Variants in BACE2 observed in about 807,000 individuals in gnomAD.
BACE2 encodes beta-secretase 2, also known as 56 kDa aspartic-like protease.
BACE2 carries 17 observed loss-of-function variants against 46.2 expected under a neutral mutation model. The ratio of observed to expected loss-of-function variants is 0.37; its 90% CI spans 0.25 to 0.55. The LOEUF (loss-of-function observed/expected upper bound fraction) is 0.55. Ranked by LOEUF, BACE2 falls within the 20% of genes least tolerant of loss-of-function variation. The pLI is 0.82. For missense variants in BACE2, 595 were observed against 698.1 expected (o/e 0.85, Z 1.66); for synonymous variants, 277 against 295.9 (o/e 0.94, Z 0.66).
At chr21:41,218,349 C>T (rs1179498594) in intron 1 of BACE2, among the ~76,000 whole-genome samples, 1 of 152,102 alleles carries the variant, frequency 6.6e-6, no homozygotes, top group Admixed American at 6.5e-5. Flanking sequence ...GACCCAAATG[C>T]ACAAAACCCA....
chr21:41,233,191 A>G (rs1987016508), intron 2 of BACE2, among the ~76,000 whole-genome samples: 1 of 152,188 alleles, frequency 6.6e-6, no homozygotes, highest in Admixed American at 6.5e-5. Flanking sequence ...AAAGGCAGCA[A>G]ATGATTAATT....
chr21:41,177,671 GT>G (rs1291351317), intron 1 of BACE2: 2 of 152,224 alleles, frequency 1.3e-5, no homozygotes, highest in East Asian at 3.8e-4. Flanking sequence ...AGCGTCAGCC[GT>G]GTGGTAAGTG....
At chr21:41,262,650 A>G (rs1317130980) in intron 8 of BACE2, among the ~76,000 whole-genome samples, 1 of 152,164 alleles carries the variant, frequency 6.6e-6, no homozygotes, top group Non-Finnish European at 1.5e-5. Context: ...CTATGAATGT[A>G]CCAGATCTTT....
At chr21:41,201,925 G>A (rs886775513) in intron 1 of BACE2, among the ~76,000 whole-genome samples, 8 of 152,276 alleles carry the variant, frequency 5.3e-5, no homozygotes, top group South Asian at 2.1e-4. Context: ...TTAAAATTTG[G>A]TTGTTTCAAA....
At position 41,246,079 on chromosome 21, in the gene BACE2, A is replaced by G. The variant is rs1222108310; in HGVS notation, c.984+16A>G. The G allele has an allele frequency of 1.9e-6, 3 of 1,576,670 alleles. No homozygotes were observed. Among genetic ancestry groups the G allele is most frequent in the South Asian group, 2.3e-5 (2 of 86,438 alleles). ...CGCATCTCTGGTGAGTCCTCGGGAC[A>G]CTCACGGGTCCCCGAGTTGCTGAGT... On this transcript the variant is annotated intron_variant, in intron 6 of 8. Transcript: ENST00000330333.
At chr21:41,253,441 CAAAA>C (rs58206534) in intron 7 of BACE2, among the ~76,000 whole-genome samples, 1 of 113,208 alleles carries the variant, frequency 8.8e-6, no homozygotes, top group Admixed American at 9.4e-5. Context: ...GACTCCATCT[CAAAA>C]AAAAAAAAAA....
intron 7 of BACE2, among the ~76,000 whole-genome samples, chr21:41,255,518 T>C (rs1237320758): frequency 6.6e-6 from 1 of 152,172 alleles, no homozygotes; most frequent in Non-Finnish European, 1.5e-5. Flanking sequence ...GACGAAGTGA[T>C]TAGTGGTCAG....
intron 1 of BACE2, among the ~76,000 whole-genome samples, chr21:41,217,389 G>A (rs1986504892): frequency 6.6e-6 from 1 of 152,168 alleles, no homozygotes; most frequent in South Asian, 2.1e-4. Flanking sequence ...CCTTGTAAAG[G>A]AATTTTTGTG....
chr21:41,230,832 GAAAA>G (rs1400552011), intron 2 of BACE2, among the ~76,000 whole-genome samples: 2 of 151,704 alleles, frequency 1.3e-5, no homozygotes, highest in African/African-American at 4.8e-5. Flanking sequence ...AGCAAAAAAA[GAAAA>G]AAAGAAAAGA....
chr21:41,210,441 C>T (rs900071898), intron 1 of BACE2, among the ~76,000 whole-genome samples: 8 of 152,138 alleles, frequency 5.3e-5, no homozygotes, highest in Admixed American at 2.6e-4. Context: ...CCTCAGGTCA[C>T]GCCAGGCAAG....
At chr21:41,267,031 G>C (rs573945721) in intron 8 of BACE2, among the ~76,000 whole-genome samples, 27 of 152,034 alleles carry the variant, frequency 1.8e-4, no homozygotes, top group Non-Finnish European at 1.3e-4. Flanking sequence ...GGGTTGGGGT[G>C]GGGGGAGCAG....
At chr21:41,196,496 A>C (rs1985739686) in intron 1 of BACE2, among the ~76,000 whole-genome samples, 1 of 150,724 alleles carries the variant, frequency 6.6e-6, no homozygotes, top group Non-Finnish European at 1.5e-5. Context: ...AACTATGGTA[A>C]ATCTACACCA....
intron 2 of BACE2, among the ~76,000 whole-genome samples, chr21:41,237,080 T>C (rs924857032): frequency 2.6e-5 from 4 of 152,198 alleles, no homozygotes; most frequent in African/African-American, 4.8e-5. Context: ...CAGTAGACTT[T>C]CTGTGTTTAG....
intron 1 of BACE2, among the ~76,000 whole-genome samples, chr21:41,196,417 G>A (rs1466732053): frequency 2.0e-5 from 3 of 152,026 alleles, no homozygotes; most frequent in East Asian, 1.9e-4. Flanking sequence ...GCTATTCACC[G>A]TGGCACGACT....
intron 1 of BACE2, among the ~76,000 whole-genome samples, chr21:41,210,962 C>A (rs1438219568): frequency 6.6e-6 from 1 of 152,208 alleles, no homozygotes. Flanking sequence ...CTTCAAAGTG[C>A]CTGTCTCTGT....
Position 41,281,665 on chromosome 21 carries a change from A to G in BACE2, c.*6041A>G, listed in dbSNP as rs1030350520. On this transcript the variant is annotated 3_prime_UTR_variant, in exon 9 of 9. Coordinates refer to ENST00000330333, the MANE Select transcript of BACE2 (RefSeq NM_012105.5). Reference sequence around the variant, plus strand: ...TGAATGAAATGTTAAGAAAACATTAAAAGATTATCTCTTTTTAAGATGGAG... The same window carrying G: ...TGAATGAAATGTTAAGAAAACATTAGAAGATTATCTCTTTTTAAGATGGAG... 3.9e-5 allele frequency: 6 copies of G among 152,266 alleles called. No individual in the cohort carries two copies. Among genetic ancestry groups the G allele is most frequent in the African/African-American group, 1.4e-4 (6 of 41,464 alleles). 9.4% of individuals were successfully genotyped at this position (152,266 alleles called of 1,614,324 possible).
At chr21:41,227,787 A>G (rs908510314) in intron 2 of BACE2, among the ~76,000 whole-genome samples, 33 of 152,198 alleles carry the variant, frequency 2.2e-4, no homozygotes, top group Non-Finnish European at 4.6e-4. Context: ...TGCTATAACC[A>G]CAAACGTGTG....
chr21:41,225,568 G>A (rs2123572822), intron 1 of BACE2: 1 of 152,342 alleles, frequency 6.6e-6, no homozygotes, highest in Admixed American at 6.5e-5. Flanking sequence ...GATGAAACCA[G>A]TCCGTGGTCA....
chr21:41,239,631 G>A (rs1295370564), intron 3 of BACE2, among the ~76,000 whole-genome samples: 1 of 152,168 alleles, frequency 6.6e-6, no homozygotes, highest in East Asian at 1.9e-4. Flanking sequence ...ATTCACATCA[G>A]CCTCTCAAAG....
Sources: gnomAD v4.1 joint callset for allele counts (sites outside exome capture counted in the v4.1 genomes callset) on GRCh38, gnomAD v4.1.1 for gene constraint, MANE v1.5 for transcripts, NCBI Gene and HGNC (gene_info 2026-07-23, HGNC 2026-07-21) for gene names.